The following PPM1H variants were observed in gnomAD, a reference collection of about 807,000 sequenced individuals.
The protein encoded by PPM1H is protein phosphatase 1H.
PPM1H carries 27 observed loss-of-function variants against 54.9 expected under a neutral mutation model. That is an observed-to-expected ratio of 0.49 (90% CI 0.36 to 0.68). PPM1H has a LOEUF of 0.68. Among genes scored for constraint, PPM1H ranks in the 30% least tolerant of loss-of-function variants. PPM1H has a pLI of 0.00. For missense variants in PPM1H, 596 were observed against 667.8 expected (o/e 0.89, Z 1.19); for synonymous variants, 305 against 270.8 (o/e 1.13, Z -1.24).
intron 2 of PPM1H, among the ~76,000 whole-genome samples, chr12:62,814,858 G>A (rs2076856358): frequency 6.6e-6 from 1 of 152,172 alleles, no homozygotes; most frequent in Admixed American, 6.5e-5. Context: ...AAACAGAGTT[G>A]CCATATTTTT....
chr12:62,669,950 G>GTGTT (rs2075945861), intron 8 of PPM1H, among the ~76,000 whole-genome samples: 1 of 116,702 alleles, frequency 8.6e-6, no homozygotes, highest in East Asian at 2.9e-4. Context: ...AAAAAAAATA[G>GTGTT]TGTTTAGAGG....
chr12:62,891,253 A>G lies in PPM1H; in HGVS notation c.245+43239T>C, dbSNP rs74854548. The stretch of plus-strand genomic sequence containing the variant: ...GAATGGAAATACTCATATCATACCT[A>G]TATGGGAAACTCCATAAAAGCAGCA... On this transcript the variant is annotated intron_variant, in intron 1 of 9. Coordinates refer to ENST00000228705, the MANE Select transcript of PPM1H (RefSeq NM_020700.2). Among the ~76,000 whole-genome samples the G allele has an allele frequency of 3.8e-3, 581 of 152,284 alleles. 6 individuals carry two copies. Among genetic ancestry groups the G allele is most frequent in the African/African-American group, 0.013 (541 of 41,550 alleles).
chr12:62,928,365 C>T (rs533805905), intron 1 of PPM1H, among the ~76,000 whole-genome samples: 7 of 152,310 alleles, frequency 4.6e-5, no homozygotes, highest in East Asian at 1.9e-4. Flanking sequence ...TTTGCCATAA[C>T]ATTATGTTGT....
intron 5 of PPM1H, among the ~76,000 whole-genome samples, chr12:62,729,430 G>A (rs1003122242): frequency 2.0e-5 from 3 of 152,234 alleles, no homozygotes; most frequent in Non-Finnish European, 2.9e-5. Flanking sequence ...AAAGGGTAAT[G>A]TGCAGTTAAA....
chr12:62,905,501 C>A (rs181880629), intron 1 of PPM1H, among the ~76,000 whole-genome samples: 1 of 152,228 alleles, frequency 6.6e-6, no homozygotes, highest in East Asian at 1.9e-4. Flanking sequence ...TAATATAAAG[C>A]ACACAATGAG....
intron 1 of PPM1H, among the ~76,000 whole-genome samples, chr12:62,911,765 C>T (rs772563): frequency 0.33 from 49,648 of 152,160 alleles, 9,694 homozygotes; most frequent in Non-Finnish European, 0.45. Context: ...CAAAGTAGGA[C>T]AGATGTCTAA....
chr12:62,817,903 C>G (rs115422385), intron 2 of PPM1H, among the ~76,000 whole-genome samples: 55 of 152,164 alleles, frequency 3.6e-4, no homozygotes, highest in African/African-American at 1.3e-3. Context: ...TGGTCTTGGC[C>G]GAGATGCTGA....
chr12:62,826,679 A>G (rs1858148810), intron 2 of PPM1H, among the ~76,000 whole-genome samples: 1 of 152,202 alleles, frequency 6.6e-6, no homozygotes, highest in African/African-American at 2.4e-5. Flanking sequence ...TATACATGAA[A>G]GAAATCTTTT....
Position 62,895,682 on chromosome 12 carries a change from C to T in PPM1H, c.245+38810G>A, listed in dbSNP as rs699569. ...AGTGAGTGACTTCTCTTCATTCCTG[C>T]AATAACTGGTTGTTGAAAAGAGCCT... On this transcript the variant is annotated intron_variant, in intron 1 of 9. Coordinates refer to ENST00000228705, the MANE Select transcript of PPM1H (RefSeq NM_020700.2). 6.4e-3 allele frequency among the ~76,000 whole-genome samples: 979 copies of T among 152,216 alleles called. 8 individuals are homozygous for T. The highest frequency in any genetic ancestry group is 0.022 in the African/African-American group (914 of 41,528).
intron 1 of PPM1H, among the ~76,000 whole-genome samples, chr12:62,849,805 T>G (rs1021490605): frequency 6.6e-6 from 1 of 152,214 alleles, no homozygotes; most frequent in Non-Finnish European, 1.5e-5. Context: ...GCTTCCTTTT[T>G]ATGAATAAGT....
chr12:62,819,721 C>T (rs1227900032), intron 2 of PPM1H, among the ~76,000 whole-genome samples: 1 of 152,134 alleles, frequency 6.6e-6, no homozygotes, highest in Non-Finnish European at 1.5e-5. Context: ...TGACTTTTTA[C>T]TTATATGCAG....
intron 1 of PPM1H, among the ~76,000 whole-genome samples, chr12:62,846,036 G>T (rs1054909524): frequency 2.6e-5 from 4 of 152,048 alleles, no homozygotes; most frequent in Admixed American, 1.3e-4. Flanking sequence ...CCTTGTCCAG[G>T]CCCTTGTCAC....
chr12:62,889,551 G>A (rs551613396), intron 1 of PPM1H, among the ~76,000 whole-genome samples: 20 of 152,034 alleles, frequency 1.3e-4, no homozygotes, highest in African/African-American at 4.3e-4. Context: ...TATCAAGAAC[G>A]TCTAGTGTTG....
At chr12:62,650,236 T>G (rs950240734) in intron 9 of PPM1H, among the ~76,000 whole-genome samples, 11 of 152,216 alleles carry the variant, frequency 7.2e-5, no homozygotes, top group Non-Finnish European at 1.3e-4. Flanking sequence ...ACAGCCCAGA[T>G]AGCAGACAGA....
At chr12:62,822,716 C>A (rs143197471) in intron 2 of PPM1H, among the ~76,000 whole-genome samples, 3,156 of 152,122 alleles carry the variant, frequency 0.021, 85 homozygotes, top group African/African-American at 0.062. Flanking sequence ...ACACAACGTA[C>A]CAGAATCTCT....
At chr12:62,706,389 A>G (rs1382765783) in intron 6 of PPM1H, among the ~76,000 whole-genome samples, 1 of 152,112 alleles carries the variant, frequency 6.6e-6, no homozygotes, top group Non-Finnish European at 1.5e-5. Flanking sequence ...GGAATACCAC[A>G]CTCTTAGCTC....
intron 1 of PPM1H, among the ~76,000 whole-genome samples, chr12:62,857,866 T>A (rs1159881333): frequency 6.6e-6 from 1 of 152,180 alleles, no homozygotes; most frequent in Non-Finnish European, 1.5e-5. Context: ...CACAGTTAGT[T>A]TTCTTTGTGA....
At chr12:62,746,400 C>A (rs1419687307) in intron 4 of PPM1H, among the ~76,000 whole-genome samples, 1 of 152,172 alleles carries the variant, frequency 6.6e-6, no homozygotes, top group African/African-American at 2.4e-5. Flanking sequence ...ATCAGTAACA[C>A]TGATAAAGCA....
intron 1 of PPM1H, among the ~76,000 whole-genome samples, chr12:62,852,221 T>C (rs1194619252): frequency 4.2e-5 from 5 of 117,714 alleles, no homozygotes; most frequent in Non-Finnish European, 8.2e-5. Context: ...AGAGCGAGAC[T>C]CTGTCTCAAA....
Sources: allele counts gnomAD v4.1 joint callset (sites outside exome capture counted in the v4.1 genomes callset), GRCh38; gene constraint gnomAD v4.1.1; transcripts MANE v1.5; gene names NCBI Gene and HGNC (gene_info 2026-07-23, HGNC 2026-07-21).